The following IGSF11 variants were observed in gnomAD, a reference collection of about 807,000 sequenced individuals.
IGSF11 encodes the protein CXADR like 1.
Under a neutral mutation model 41.0 loss-of-function variants are expected in IGSF11, and 22 were observed. The ratio of observed to expected loss-of-function variants is 0.54; its 90% CI spans 0.38 to 0.77. The LOEUF (loss-of-function observed/expected upper bound fraction) is 0.77. IGSF11 is among the 30% of genes least tolerant of loss of function. The pLI, the probability that IGSF11 is intolerant of heterozygous loss-of-function variation, is 0.00. For synonymous variants in IGSF11, 219 were observed against 201.3 expected (o/e 1.09, Z -0.74); for missense variants, 444 against 530.8 (o/e 0.84, Z 1.61).
chr3:119,046,282 T>C (rs1484112718), intron 1 of IGSF11, among the ~76,000 whole-genome samples: 1 of 150,458 alleles, frequency 6.6e-6, no homozygotes, highest in African/African-American at 2.4e-5. Flanking sequence ...GGATAACCAA[T>C]ACAGAGAAGT....
chr3:118,980,490 G>A (rs1392966647), intron 1 of IGSF11, among the ~76,000 whole-genome samples: 1 of 152,180 alleles, frequency 6.6e-6, no homozygotes, highest in Non-Finnish European at 1.5e-5. Context: ...GGTAAAGAGT[G>A]GAACAATAGA....
upstream of IGSF11, among the ~76,000 whole-genome samples, chr3:119,107,430 G>A (rs2077052326): frequency 6.6e-6 from 1 of 151,624 alleles, no homozygotes; most frequent in African/African-American, 2.4e-5. Flanking sequence ...TTTTTGATGG[G>A]GTTGTTTGTT....
chr3:118,984,607 T>C (rs1935074265), intron 1 of IGSF11, among the ~76,000 whole-genome samples: 2 of 152,134 alleles, frequency 1.3e-5, no homozygotes, highest in African/African-American at 4.8e-5. Context: ...AATGGCTGAT[T>C]TTCCATGTAA....
intron 4 of IGSF11, among the ~76,000 whole-genome samples, chr3:118,912,416 C>A (rs1016408290): frequency 6.6e-6 from 1 of 152,170 alleles, no homozygotes; most frequent in African/African-American, 2.4e-5. Context: ...GAGCTAGCTC[C>A]AGCCCTGGAT....
At chr3:118,968,192 T>C (rs780225818) in intron 1 of IGSF11, among the ~76,000 whole-genome samples, 1 of 152,198 alleles carries the variant, frequency 6.6e-6, no homozygotes, top group African/African-American at 2.4e-5. Context: ...TTCTGCAAAA[T>C]GGGTTTTATG....
At chr3:119,111,297 T>C (rs2077154121) in intron 1 of IGSF11, among the ~76,000 whole-genome samples, 1 of 152,206 alleles carries the variant, frequency 6.6e-6, no homozygotes, top group Non-Finnish European at 1.5e-5. Flanking sequence ...TTTCTTTTTA[T>C]TCTTTTTTCT....
intron 4 of IGSF11, among the ~76,000 whole-genome samples, chr3:118,909,308 A>G (rs1302235570): frequency 6.6e-6 from 1 of 152,160 alleles, no homozygotes; most frequent in East Asian, 1.9e-4. Flanking sequence ...TCTGTAGGCT[A>G]TATAATAATG....
chr3:119,103,483 A>G (rs565002766), intron 1 of IGSF11, among the ~76,000 whole-genome samples: 2 of 151,996 alleles, frequency 1.3e-5, no homozygotes, highest in South Asian at 4.2e-4. Context: ...TACTGGCAGG[A>G]GGTTTATAAG....
In IGSF11 at chr3:118,926,220, G is replaced by C. The variant is rs1343125636; in HGVS notation, c.461C>G (p.Ser154Cys). The C allele has an allele frequency of 6.2e-7, 1 of 1,609,718 alleles. No individual in the cohort carries two copies. Among genetic ancestry groups the C allele is most frequent in the Admixed American group, 1.7e-5 (1 of 59,764 alleles). The change falls in exon 4 of 7, where the codon TCC becomes TGC. Residue 154 changes from serine to cysteine, a missense_variant. Physicochemically the swap from Ser to Cys is moderately radical, Grantham distance 112. Around this residue, in one of 3 missense-constraint regions of IGSF11, gnomAD observed 193 missense variants for 283.5 expected, o/e 0.68. Coordinates refer to ENST00000393775, the MANE Select transcript of IGSF11 (RefSeq NM_001015887.3). ...PSAPHCQIQG[S>C]QDIGSDVILL... The stretch of plus-strand genomic sequence containing the variant: ...GATGACATCGCTGCCAATATCCTGG[G>C]ATCCTTGGATTTGGCAGTGTGGGGC...
chr3:119,002,308 T>C (rs859020), intron 1 of IGSF11, among the ~76,000 whole-genome samples: 16,711 of 149,350 alleles, frequency 0.11, 1,145 homozygotes, highest in East Asian at 0.2. Context: ...CACCCACTTT[T>C]TGATGGGGTT....
chr3:119,096,587 T>C (rs983237217), intron 1 of IGSF11, among the ~76,000 whole-genome samples: 3 of 152,190 alleles, frequency 2.0e-5, no homozygotes, highest in Non-Finnish European at 4.4e-5. Context: ...CTTCATCATA[T>C]TTGCCTCTAG....
chr3:119,057,999 A>C (rs1941913807), intron 1 of IGSF11, among the ~76,000 whole-genome samples: 1 of 152,272 alleles, frequency 6.6e-6, no homozygotes, highest in African/African-American at 2.4e-5. Flanking sequence ...CTTACATGTT[A>C]GACCTAAAAC....
At chr3:118,980,591 G>A (rs1261260737) in intron 1 of IGSF11, among the ~76,000 whole-genome samples, 1 of 152,142 alleles carries the variant, frequency 6.6e-6, no homozygotes, top group Non-Finnish European at 1.5e-5. Flanking sequence ...TTAGATACAA[G>A]GAATATGTTC....
intron 4 of IGSF11, among the ~76,000 whole-genome samples, chr3:118,922,243 T>C (rs1941872082): frequency 6.6e-6 from 1 of 152,180 alleles, no homozygotes; most frequent in Admixed American, 6.5e-5. Context: ...AGGGCTTTCC[T>C]TGTGCATTAT....
chr3:118,989,590 G>A (rs1011784774), intron 1 of IGSF11, among the ~76,000 whole-genome samples: 3 of 152,036 alleles, frequency 2.0e-5, no homozygotes, highest in South Asian at 2.1e-4. Flanking sequence ...TCCTGACCTC[G>A]TGATCTGCCC....
chr3:118,918,107 T>A (rs1406672161), intron 4 of IGSF11, among the ~76,000 whole-genome samples: 15 of 99,128 alleles, frequency 1.5e-4, no homozygotes, highest in African/African-American at 4.7e-4. Flanking sequence ...GGGACGTATT[T>A]CAAAATAATA....
Position 118,944,381 on chromosome 3 carries a change from T to G in IGSF11, c.53-14106A>C, listed in dbSNP as rs373822036. ...AGTCTTACAGTACTTTCTTCCACAG[T>G]GGGCTTTTCTCAGGTTCAGCAACAC... is the stretch of plus-strand genomic sequence containing the variant. On this transcript the variant is annotated intron_variant, in intron 1 of 6. Coordinates refer to ENST00000393775, the MANE Select transcript of IGSF11 (RefSeq NM_001015887.3). Among the ~76,000 whole-genome samples, 15 of 151,830 alleles carry G rather than the reference T, an allele frequency of 9.9e-5. No individual in the cohort carries two copies. In the South Asian group the frequency reaches 2.9e-3, roughly 30 times the overall value.
upstream of IGSF11, among the ~76,000 whole-genome samples, chr3:119,035,568 A>T (rs1940857471): frequency 6.6e-6 from 1 of 152,136 alleles, no homozygotes; most frequent in African/African-American, 2.4e-5. Context: ...TATACATGTT[A>T]ACTAGTGGGG....
chr3:119,038,255 G>T (rs558682993), upstream of IGSF11, among the ~76,000 whole-genome samples: 36 of 152,188 alleles, frequency 2.4e-4, no homozygotes, highest in Admixed American at 3.3e-4. Flanking sequence ...GACATAAATA[G>T]ACCACTTAAT....
Sources: gnomAD v4.1 joint callset for allele counts (sites outside exome capture counted in the v4.1 genomes callset) on GRCh38, gnomAD v4.1.1 for gene constraint, gnomAD v4.1.1 regional missense constraint, MANE v1.5 for transcripts, NCBI Gene and HGNC (gene_info 2026-07-23, HGNC 2026-07-21) for gene names.